The following SPATA31E1 variants were observed in gnomAD, a reference collection of about 807,000 sequenced individuals.
The protein encoded by SPATA31E1 is spermatogenesis-associated protein 31E1.
SPATA31E1 carries 7 observed loss-of-function variants against 12.9 expected under a neutral mutation model. The observed-to-expected ratio is 0.54, with a 90% CI of 0.31 to 1.02. The LOEUF (loss-of-function observed/expected upper bound fraction) is 1.02, where lower values mean the gene tolerates loss of function less well. SPATA31E1 is among the 50% of genes least tolerant of loss of function. SPATA31E1 has a pLI of 0.05. For missense variants in SPATA31E1, 1,961 were observed against 1,799.8 expected (o/e 1.09, Z -1.62); for synonymous variants, 771 against 719.0 (o/e 1.07, Z -1.16).
rs755182639 is a variant in SPATA31E1 at position 87,888,184 on chromosome 9, C to T, written c.3697C>T (p.Pro1233Ser). Residue 1233 changes from proline (P) to serine (S), a missense_variant, in exon 4 of 4, where the codon CCT becomes TCT. Physicochemically the swap from Pro to Ser is moderately conservative, Grantham distance 74 (BLOSUM62 -1). Transcript: ENST00000325643. Reference protein sequence around the residue: ...RTSEASGRSHPAQAREIGDKQ... With the variant: ...RTSEASGRSHSAQAREIGDKQ... Reference sequence around the variant, plus strand: ...CTCTGAAGCCAGTGGGAGGAGCCACCCTGCCCAAGCCAGGGAAATAGGAGA... The same window carrying T: ...CTCTGAAGCCAGTGGGAGGAGCCACTCTGCCCAAGCCAGGGAAATAGGAGA... The T allele has an allele frequency of 3.2e-5, 52 of 1,613,414 alleles. No individual in the cohort carries two copies. Among genetic ancestry groups the T allele is most frequent in the Non-Finnish European group, 4.3e-5 (51 of 1,179,956 alleles).
Position 87,888,317 on chromosome 9 carries a change from G to C in SPATA31E1, c.3830G>C (p.Arg1277Thr), listed in dbSNP as rs367550562. 4 of 1,614,068 alleles carry C rather than the reference G, an allele frequency of 2.5e-6. No individual in the cohort carries two copies. The highest frequency in any genetic ancestry group is 2.2e-5 in the East Asian group (1 of 44,892). ...ISHHPQGLHP[R>T]KGGTRWEDVL... ...CACCATCCACAGGGTCTACACCCCA[G>C]GAAAGGAGGCACACGGTGGGAAGAT... The change falls in exon 4 of 4, where the codon AGG (arginine) becomes ACG (threonine). Residue 1277 changes from arginine (R) to threonine (T), a missense_variant. Transcript: ENST00000325643.
intron 2 of SPATA31E1, 122 bp from the exon 3 acceptor site, chr9:87,884,467 GAC>G: frequency 2.0e-6 from 2 of 993,120 alleles, no homozygotes; most frequent in Non-Finnish European, 3.1e-6. Context: ...TGTGGCCTCG[GAC>G]ACAGATGCGA....
intron 3 of SPATA31E1, 95 bp downstream of exon 3, chr9:87,884,746 C>CT: frequency 6.5e-7 from 1 of 1,546,912 alleles, no homozygotes; most frequent in Admixed American, 1.7e-5. Context: ...GGGGAGGTCC[C>CT]GGGAAGGGGA....
At chr9:87,883,567 T>C (rs1828208555) in intron 1 of SPATA31E1, among the ~76,000 whole-genome samples, 1 of 152,164 alleles carries the variant, frequency 6.6e-6, no homozygotes, top group Non-Finnish European at 1.5e-5. Context: ...GGAGCTGTGC[T>C]GAGCTCCTGA....
In SPATA31E1 at chr9:87,884,916, CCTGAGGAAGCTCG is replaced by C; in HGVS notation, c.433_445del (p.Arg145AlafsTer9). 1.2e-6 allele frequency: 2 copies of C among 1,604,988 alleles called. No homozygotes were observed. The highest frequency in any genetic ancestry group is 8.5e-7 in the Non-Finnish European group (1 of 1,174,058). Reference sequence around the variant, plus strand: ...TTGTGCCTCTTGTCTCCTGCAGCCACCTGAGGAAGCTCGCTGGCGAAGGCAGCTCCCACCTGCC... The same window carrying C: ...TTGTGCCTCTTGTCTCCTGCAGCCACCTGGCGAAGGCAGCTCCCACCTGCC... On this transcript the variant is annotated frameshift_variant, in exon 4 of 4. Transcript: ENST00000325643. LOFTEE classifies it low-confidence loss of function (END_TRUNC).
rs377006333 is a variant in SPATA31E1, at chr9:87,882,903, C to G, written c.12C>G (p.Leu4=). The change falls in exon 1 of 4, where the codon CTC becomes CTG. Residue 4 remains leucine, a synonymous_variant. Transcript: ENST00000325643. Reference sequence around the variant, plus strand: ...GTTGCTTGAAGGCGATGGGAAATCTCGTCATCCCTCTAGGGAAGGGCAGGG... The same window carrying G: ...GTTGCTTGAAGGCGATGGGAAATCTGGTCATCCCTCTAGGGAAGGGCAGGG... The part of the protein sequence containing the change: MGN[L]VIPLGKGRAG... 1.2e-6 allele frequency: 2 copies of G among 1,610,910 alleles called. No individual in the cohort carries two copies. Among genetic ancestry groups the G allele is most frequent in the African/African-American group, 1.3e-5 (1 of 74,840 alleles).
In SPATA31E1 at chr9:87,888,901, A is replaced by C; in HGVS notation, c.*76A>C. The C allele has an allele frequency of 7.1e-7, 1 of 1,398,772 alleles. No homozygotes were observed. Among genetic ancestry groups the C allele is most frequent in the Non-Finnish European group, 9.5e-7 (1 of 1,056,068 alleles). The allele number at this position is 1,398,772 out of a possible 1,614,324, so 86.6% of individuals were successfully genotyped here. A position where few individuals can be genotyped will look rare whatever the true frequency, so the allele number is the denominator to read the frequency against. ...CAAATAAAACTGATGCCTACACAAT[A>C]AACCTGTCCTGCGTGGGTGATCACA... is the stretch of plus-strand genomic sequence containing the variant. On this transcript the variant is annotated 3_prime_UTR_variant, in exon 4 of 4. Transcript: ENST00000325643.
At position 87,886,759 on chromosome 9, in the gene SPATA31E1, AAGG is replaced by A; in HGVS notation, c.2275_2277del (p.Glu759del). The A allele has an allele frequency of 6.2e-7, 1 of 1,614,034 alleles. No individual in the cohort carries two copies. The highest frequency in any genetic ancestry group is 1.3e-5 in the African/African-American group (1 of 75,036). ...AAGTTCCACACCCAGGGACCCAGAC[AAGG>A]AGCATCTGGAAAACAAGCTGCAAAT... On this transcript the variant is annotated inframe_deletion, in exon 4 of 4. Transcript: ENST00000325643.
chr9:87,887,085 G>A lies in SPATA31E1; in HGVS notation c.2598G>A (p.Gln866=). The stretch of plus-strand genomic sequence containing the variant: ...TAAATGTCTGGTCAGGTGAGGCTCA[G>A]GCCCCGCCCTTCCCACAATCCACCT... ...EPINVWSGEA[Q]APPFPQSTFT... Residue 866 remains glutamine, a synonymous_variant, in exon 4 of 4, where the codon CAG becomes CAA. Transcript: ENST00000325643. The A allele has an allele frequency of 1.2e-6, 2 of 1,614,080 alleles. No homozygotes were observed. The highest frequency in any genetic ancestry group is 1.7e-6 in the Non-Finnish European group (2 of 1,180,012).
chr9:87,886,846 C>T lies in SPATA31E1; in HGVS notation c.2359C>T (p.Arg787Cys), dbSNP rs764105417. The change falls in exon 4 of 4, where the codon CGC becomes TGC. Residue 787 changes from arginine to cysteine, a missense_variant. Transcript: ENST00000325643. The part of the protein sequence containing the change: ...KEGWIPMPVR[R>C]SWLMAKCAVP... ...GGGCTGGATCCCCATGCCTGTGCGT[C>T]GCTCCTGGCTCATGGCCAAATGTGC... 59 of 1,614,038 alleles carry T rather than the reference C, an allele frequency of 3.7e-5. No homozygotes were observed. The highest frequency in any genetic ancestry group is 6.7e-5 in the East Asian group (3 of 44,884).
In SPATA31E1 at chr9:87,886,721, A is replaced by C; in HGVS notation, c.2234A>C (p.Lys745Thr). ...EAEGDLRRSWKYQSVSSTPRD... is the reference protein window; with the variant it reads ...EAEGDLRRSWTYQSVSSTPRD... The stretch of plus-strand genomic sequence containing the variant: ...GAAGGTGACTTACGGAGGTCCTGGA[A>C]GTACCAATCAGTAAGTTCCACACCC... The change falls in exon 4 of 4, where the codon AAG becomes ACG. Residue 745 changes from lysine to threonine, a missense_variant. Coordinates refer to ENST00000325643, the MANE Select transcript of SPATA31E1 (RefSeq NM_178828.5). 1 of 1,613,992 alleles carries C rather than the reference A, an allele frequency of 6.2e-7. No individual in the cohort carries two copies. The highest frequency in any genetic ancestry group is 8.5e-7 in the Non-Finnish European group (1 of 1,180,032).
intron 2 of SPATA31E1, 81 bp downstream of exon 2, chr9:87,884,127 G>A: frequency 6.7e-7 from 1 of 1,501,242 alleles, no homozygotes; most frequent in South Asian, 1.2e-5. Context: ...GCAGAGGCCT[G>A]AGAGGGAAGC....
At position 87,884,648 on chromosome 9, in the gene SPATA31E1, A is replaced by G; in HGVS notation, c.422A>G (p.Glu141Gly). ...ACTCGGGACCTGAACTACCTTCTGG[A>G]AAGGTGAGGAGCTTCCCCCTTCTGT... Reference protein sequence around the residue: ...EETRDLNYLLESHLRKLAGEG... With the variant: ...EETRDLNYLLGSHLRKLAGEG... Residue 141 changes from glutamate to glycine, a missense_variant, in exon 3 of 4, where the codon GAA becomes GGA. Glu to Gly is a moderately conservative substitution (Grantham distance 98). Transcript: ENST00000325643. 6.2e-7 allele frequency: 1 copy of G among 1,614,102 alleles called. No homozygotes were observed. The highest frequency in any genetic ancestry group is 2.2e-5 in the East Asian group (1 of 44,866).
At position 87,887,952 on chromosome 9, in the gene SPATA31E1, T is replaced by C; in HGVS notation, c.3465T>C (p.Ser1155=). ...PTQAPLSTSQ[S]VSGKNMTASQ... ...AAGCCCCTCTGTCCACCTCCCAGAGTGTGTCTGGTAAGAACATGACAGCTT... is the reference window on the plus strand; with the variant it reads ...AAGCCCCTCTGTCCACCTCCCAGAGCGTGTCTGGTAAGAACATGACAGCTT... Residue 1155 remains serine (S), a synonymous_variant, in exon 4 of 4, where the codon AGT becomes AGC. Transcript: ENST00000325643. 6.2e-7 allele frequency: 1 copy of C among 1,613,716 alleles called. No homozygotes were observed. Among genetic ancestry groups the C allele is most frequent in the Non-Finnish European group, 8.5e-7 (1 of 1,179,994 alleles).
At position 87,888,298 on chromosome 9, in the gene SPATA31E1, C is replaced by A. The variant is rs757134749; in HGVS notation, c.3811C>A (p.Pro1271Thr). The A allele has an allele frequency of 6.2e-7, 1 of 1,614,088 alleles. No homozygotes were observed. The highest frequency in any genetic ancestry group is 1.3e-5 in the African/African-American group (1 of 74,944). The change falls in exon 4 of 4, where the codon CCA becomes ACA. Residue 1271 changes from proline (P) to threonine (T), a missense_variant. Transcript: ENST00000325643. ...SHFQRKISHH[P>T]QGLHPRKGGT... Reference sequence around the variant, plus strand: ...CTTCCAGAGAAAGATCAGTCACCATCCACAGGGTCTACACCCCAGGAAAGG... The same window carrying A: ...CTTCCAGAGAAAGATCAGTCACCATACACAGGGTCTACACCCCAGGAAAGG...
At chr9:87,884,877 C>G (rs115488171) in intron 3 of SPATA31E1, 36 bp from the exon 4 acceptor site, 1 of 1,576,080 alleles carries the variant, frequency 6.3e-7, no homozygotes. Context: ...GCCCCATCTA[C>G]CCCTGGCTGC....
Position 87,886,608 on chromosome 9 carries a change from C to G in SPATA31E1, c.2121C>G (p.Cys707Trp). Residue 707 changes from cysteine to tryptophan, a missense_variant, in exon 4 of 4, where the codon TGC becomes TGG. Physicochemically the swap from Cys to Trp is radical, Grantham distance 215. Coordinates refer to ENST00000325643, the MANE Select transcript of SPATA31E1 (RefSeq NM_178828.5). ...CCGGAAGGTTCTCTGACAAGGGGTG[C>G]TTAGGGTCCAAACTAGGGCCGGACC... ...RSSGRFSDKG[C>W]LGSKLGPDPS... 4 of 1,614,034 alleles carry G rather than the reference C, an allele frequency of 2.5e-6. No homozygotes were observed. The highest frequency in any genetic ancestry group is 1.6e-4 in the Middle Eastern group (1 of 6,062).
chr9:87,884,345 T>C (rs1293702979), intron 2 of SPATA31E1, among the ~76,000 whole-genome samples: 1 of 152,192 alleles, frequency 6.6e-6, no homozygotes, highest in Non-Finnish European at 1.5e-5. Flanking sequence ...GACCACCCAT[T>C]TGCTCTCCCA....
Position 87,887,803 on chromosome 9 carries a change from G to A in SPATA31E1, c.3316G>A (p.Val1106Met). 6.2e-7 allele frequency: 1 copy of A among 1,613,960 alleles called. No homozygotes were observed. Among genetic ancestry groups the A allele is most frequent in the South Asian group, 1.1e-5 (1 of 91,088 alleles). The change falls in exon 4 of 4, where the codon GTG becomes ATG. Residue 1106 changes from valine (V) to methionine (M), a missense_variant. Val to Met is a conservative substitution (Grantham distance 21). Coordinates refer to ENST00000325643, the MANE Select transcript of SPATA31E1 (RefSeq NM_178828.5). ...CAGTGAGATTGCGCTCATAGTGCAGGTGGACTCAGAGGAGCAGCTGCCAGG... is the reference window on the plus strand; with the variant it reads ...CAGTGAGATTGCGCTCATAGTGCAGATGGACTCAGAGGAGCAGCTGCCAGG... Reference protein sequence around the residue: ...VVSEIALIVQVDSEEQLPGRA... With the variant: ...VVSEIALIVQMDSEEQLPGRA...
Sources: gnomAD v4.1 joint callset for allele counts (sites outside exome capture counted in the v4.1 genomes callset) on GRCh38, gnomAD v4.1.1 for gene constraint, MANE v1.5 for transcripts, NCBI Gene and HGNC (gene_info 2026-07-23, HGNC 2026-07-21) for gene names.